CACNB2: variants seen among roughly 807,000 people sequenced by gnomAD.
CACNB2 encodes voltage-dependent L-type calcium channel subunit beta-2.
A neutral mutation model predicts 73.3 loss-of-function variants in CACNB2; 42 were observed. That is an observed-to-expected ratio of 0.57 (90% confidence interval 0.45 to 0.74). The LOEUF (loss-of-function observed/expected upper bound fraction) is 0.74, where lower values mean the gene tolerates loss of function less well. Ranked by LOEUF, CACNB2 falls within the 30% of genes least tolerant of loss-of-function variation. The probability of loss-of-function intolerance (pLI) is 0.00; values close to 1 mark genes in which losing one functional copy is unlikely to be tolerated. For synonymous variants in CACNB2, 348 were observed against 310.3 expected, an observed-to-expected ratio of 1.12 and a Z score of -1.28; for missense variants, 940 against 853.0, an observed-to-expected ratio of 1.10 and a Z score of -1.27.
intron 2 of CACNB2, among the ~76,000 whole-genome samples, chr10:18,263,089 C>T (rs1288235019): frequency 6.6e-6 from 1 of 152,168 alleles, no homozygotes; most frequent in Admixed American, 6.5e-5. Flanking sequence ...GAGTGTTTTT[C>T]TCTTGGGAAG....
intron 2 of CACNB2, among the ~76,000 whole-genome samples, chr10:18,394,083 A>G (rs932758563): frequency 4.6e-5 from 7 of 152,054 alleles, no homozygotes; most frequent in African/African-American, 1.7e-4. Context: ...CTGAGATTAC[A>G]AGCGCCCACC....
Position 18,429,664 on chromosome 10 carries a change from C to CAA in CACNB2, c.333+27637_333+27638dup, listed in dbSNP as rs1265429356. Among the ~76,000 whole-genome samples, 46 of 62,924 alleles carry CAA rather than the reference C, an allele frequency of 7.3e-4. 6 individuals carry two copies. Among genetic ancestry groups the CAA allele is most frequent in the African/African-American group, 2.4e-3 (34 of 14,330 alleles). The allele number at this position is 62,924 out of a possible 152,430, so 41.3% of individuals were successfully genotyped here. ...CAACATAGCAAGACTCCGTCTCTAC[C>CAA]AAAAAAAAAAAAAAAAACCAAATTA... On this transcript the variant is annotated intron_variant, in intron 3 of 13. Coordinates refer to ENST00000324631, the MANE Select transcript of CACNB2 (RefSeq NM_201596.3).
At chr10:18,535,988 A>G (rs1294673352) in intron 11 of CACNB2, 113 bp from the exon 12 acceptor site, 1 of 688,130 alleles carries the variant, frequency 1.5e-6, no homozygotes, top group Non-Finnish European at 2.6e-6. Context: ...TCCATCTATT[A>G]TAAGCCCCTT....
intron 2 of CACNB2, among the ~76,000 whole-genome samples, chr10:18,276,775 C>T (rs959244353): frequency 7.9e-5 from 12 of 151,912 alleles, no homozygotes; most frequent in East Asian, 3.9e-4. Context: ...GACAGGGTTT[C>T]GCCATGTTGG....
intron 3 of CACNB2, among the ~76,000 whole-genome samples, chr10:18,460,299 G>C (rs1332835441): frequency 6.6e-6 from 1 of 151,946 alleles, no homozygotes; most frequent in South Asian, 2.1e-4. Flanking sequence ...TTCAACTTCT[G>C]TTTGCACATT....
At chr10:18,300,469 A>G (rs2039463798) in intron 2 of CACNB2, among the ~76,000 whole-genome samples, 1 of 152,252 alleles carries the variant, frequency 6.6e-6, no homozygotes, top group Admixed American at 6.5e-5. Context: ...AAATAAAGAG[A>G]TCATTGGAAA....
At chr10:18,294,008 G>A (rs2039175806) in intron 2 of CACNB2, among the ~76,000 whole-genome samples, 1 of 152,134 alleles carries the variant, frequency 6.6e-6, no homozygotes, top group Non-Finnish European at 1.5e-5. Flanking sequence ...TTTTGCCACT[G>A]GCCAGTTTCC....
intron 2 of CACNB2, among the ~76,000 whole-genome samples, chr10:18,389,913 A>G (rs969229550): frequency 1.3e-5 from 2 of 152,184 alleles, no homozygotes; most frequent in Non-Finnish European, 2.9e-5. Flanking sequence ...TGAATTTTCT[A>G]TTAATATCCT....
At chr10:18,535,849 A>G (rs1335849411) in intron 11 of CACNB2, among the ~76,000 whole-genome samples, 3 of 152,056 alleles carry the variant, frequency 2.0e-5, no homozygotes, top group African/African-American at 7.3e-5. Flanking sequence ...ATAGTTTTCC[A>G]TTTTAGCTTC....
chr10:18,153,975 A>G (rs11012828), intron 2 of CACNB2, among the ~76,000 whole-genome samples: 25,690 of 151,024 alleles, frequency 0.17, 2,258 homozygotes, highest in African/African-American at 0.19. Flanking sequence ...TTGCATCGAC[A>G]CATATTGCGT....
chr10:18,396,672 T>C (rs750781991), intron 2 of CACNB2, among the ~76,000 whole-genome samples: 2 of 152,198 alleles, frequency 1.3e-5, no homozygotes, highest in African/African-American at 2.4e-5. Context: ...GGTTTCACCA[T>C]GTTGGTCAGG....
At chr10:18,373,976 ATAAAT>A (rs1003466995) in intron 2 of CACNB2, among the ~76,000 whole-genome samples, 1 of 152,246 alleles carries the variant, frequency 6.6e-6, no homozygotes, top group African/African-American at 2.4e-5. Context: ...AACAAAATAA[ATAAAT>A]TAGCCTCCCT....
rs2046492210 is a variant in CACNB2 at position 18,442,924 on chromosome 10, ATGT to A, written c.333+40882_333+40884del. On this transcript the variant is annotated intron_variant, in intron 3 of 13. Coordinates refer to ENST00000324631, the MANE Select transcript of CACNB2 (RefSeq NM_201596.3). ...ATGTAAAAACAATATATATATATAT[ATGT>A]ATATATATATATATGTGTATATATA... is the stretch of plus-strand genomic sequence containing the variant. 6.7e-5 allele frequency among the ~76,000 whole-genome samples: 4 copies of A among 59,572 alleles called. 1 individual carries two copies. Among genetic ancestry groups the A allele is most frequent in the African/African-American group, 5.1e-4 (4 of 7,778 alleles). 39.1% of individuals were successfully genotyped at this position (59,572 alleles called of 152,430 possible).
rs534797326 is a variant in CACNB2, at chr10:18,315,517, A to C, written c.214-86407A>C. ...CTCTATTTAAAAAAAAAAAAAAAAAAAAAAAAAAAAACTTTTTTTTTTTTT... is the reference window on the plus strand; with the variant it reads ...CTCTATTTAAAAAAAAAAAAAAAAACAAAAAAAAAAACTTTTTTTTTTTTT... On this transcript the variant is annotated intron_variant, in intron 2 of 13. Coordinates refer to ENST00000324631, the MANE Select transcript of CACNB2 (RefSeq NM_201596.3). 1.8e-3 allele frequency among the ~76,000 whole-genome samples: 241 copies of C among 131,848 alleles called. 10 individuals are homozygous for C. Among genetic ancestry groups the C allele is most frequent in the African/African-American group, 6.7e-3 (225 of 33,786 alleles). The allele number at this position is 131,848 out of a possible 152,430, so 86.5% of individuals were successfully genotyped here.
chr10:18,193,058 T>G (rs565755199), intron 2 of CACNB2, among the ~76,000 whole-genome samples: 64 of 152,296 alleles, frequency 4.2e-4, no homozygotes, highest in African/African-American at 1.3e-3. Flanking sequence ...AATTCATATA[T>G]AATTGTACAT....
chr10:18,165,689 T>G (rs2032804321), intron 2 of CACNB2, among the ~76,000 whole-genome samples: 1 of 152,198 alleles, frequency 6.6e-6, no homozygotes, highest in South Asian at 2.1e-4. Flanking sequence ...AGGGAAGTTG[T>G]TTATACATCT....
chr10:18,247,942 G>A (rs535093261), intron 2 of CACNB2, among the ~76,000 whole-genome samples: 2 of 152,256 alleles, frequency 1.3e-5, no homozygotes, highest in Admixed American at 1.3e-4. Flanking sequence ...TTCTTACTGT[G>A]TTCTAATATG....
intron 2 of CACNB2, among the ~76,000 whole-genome samples, chr10:18,330,443 G>C (rs944176465): frequency 4.6e-5 from 7 of 152,076 alleles, no homozygotes; most frequent in Non-Finnish European, 1.0e-4. Context: ...TCGAGCCTAG[G>C]AGTTCAAGAC....
intron 2 of CACNB2, among the ~76,000 whole-genome samples, chr10:18,380,571 C>T (rs1205834717): frequency 6.6e-6 from 1 of 150,452 alleles, no homozygotes; most frequent in African/African-American, 2.4e-5. Flanking sequence ...TCTCCTGCCT[C>T]AGCCTCCCCA....
Sources: gnomAD v4.1 joint callset for allele counts (sites outside exome capture counted in the v4.1 genomes callset) on GRCh38, gnomAD v4.1.1 for gene constraint, MANE v1.5 for transcripts, NCBI Gene and HGNC (gene_info 2026-07-23, HGNC 2026-07-21) for gene names.